DYNC1I1: variants seen among roughly 807,000 people sequenced by gnomAD.
The protein encoded by DYNC1I1 is dynein cytoplasmic 1 intermediate chain 1.
A neutral mutation model predicts 86.6 loss-of-function variants in DYNC1I1; 43 were observed. The observed-to-expected ratio is 0.50, with a 90% confidence interval of 0.39 to 0.64. DYNC1I1 has a LOEUF of 0.64. DYNC1I1 is among the 30% of genes least tolerant of loss of function. DYNC1I1 has a pLI of 0.00. For synonymous variants in DYNC1I1, 262 were observed against 283.7 expected (o/e 0.92, Z 0.77); for missense variants, 604 against 788.8 (o/e 0.77, Z 2.81).
chr7:95,838,551 A>T (rs907082927), intron 5 of DYNC1I1, among the ~76,000 whole-genome samples: 1 of 152,126 alleles, frequency 6.6e-6, no homozygotes, highest in Non-Finnish European at 1.5e-5. Context: ...GAATTTTAAG[A>T]TTTTTTTCCT....
At chr7:95,931,718 C>T (rs1791902848) in intron 6 of DYNC1I1, among the ~76,000 whole-genome samples, 1 of 152,194 alleles carries the variant, frequency 6.6e-6, no homozygotes, top group South Asian at 2.1e-4. Context: ...AACAGCTCAG[C>T]TGTGTAGCCG....
chr7:95,991,074 A>G (rs1244120817), intron 9 of DYNC1I1, among the ~76,000 whole-genome samples: 1 of 152,004 alleles, frequency 6.6e-6, no homozygotes, highest in South Asian at 2.1e-4. Flanking sequence ...ATAAAGGACT[A>G]ATAATTTTAA....
At chr7:95,806,100 G>C (rs541798130) in intron 2 of DYNC1I1, among the ~76,000 whole-genome samples, 1 of 152,200 alleles carries the variant, frequency 6.6e-6, no homozygotes, top group East Asian at 1.9e-4. Flanking sequence ...GTGAAGTAGA[G>C]GTGAGAATTG....
At position 95,840,550 on chromosome 7, in the gene DYNC1I1, T is replaced by G. The variant is rs572201443; in HGVS notation, c.374+12434T>G. On this transcript the variant is annotated intron_variant, in intron 5 of 16. Coordinates refer to ENST00000447467, the MANE Select transcript of DYNC1I1 (RefSeq NM_001135556.2). ...CTGTTGGGTAAATCACATGTCTCCA[T>G]TTCATTAAGGTAGGTTTCTGAAGAT... Among the ~76,000 whole-genome samples the G allele has an allele frequency of 5.9e-4, 90 of 152,364 alleles. 1 individual carries two copies. In the South Asian group the frequency reaches 9.7e-3, roughly 16 times the overall value.
intron 12 of DYNC1I1, among the ~76,000 whole-genome samples, chr7:96,035,239 T>C (rs1794902060): frequency 6.6e-6 from 1 of 152,222 alleles, no homozygotes; most frequent in Non-Finnish European, 1.5e-5. Flanking sequence ...TATTAATACA[T>C]GTGTATTCTC....
At chr7:96,079,011 C>T (rs1790430334) in intron 15 of DYNC1I1, among the ~76,000 whole-genome samples, 2 of 148,584 alleles carry the variant, frequency 1.3e-5, no homozygotes, top group Admixed American at 1.4e-4. Flanking sequence ...GAGCCGGGGA[C>T]TTTTGGGGTT....
At chr7:96,068,546 G>A (rs1790063691) in intron 14 of DYNC1I1, among the ~76,000 whole-genome samples, 1 of 152,158 alleles carries the variant, frequency 6.6e-6, no homozygotes. Flanking sequence ...TTTACCATTA[G>A]ATTTTATTAG....
chr7:95,913,700 T>C (rs1791397535), intron 6 of DYNC1I1, among the ~76,000 whole-genome samples: 1 of 152,232 alleles, frequency 6.6e-6, no homozygotes, highest in African/African-American at 2.4e-5. Flanking sequence ...AAAGGACTAA[T>C]ACACATGGGT....
At chr7:95,997,577 G>A (rs1039438409) in intron 10 of DYNC1I1, among the ~76,000 whole-genome samples, 1 of 128,996 alleles carries the variant, frequency 7.8e-6, no homozygotes, top group Non-Finnish European at 1.6e-5. Context: ...ATTGAAAAGG[G>A]CATTCTTGTG....
Position 96,028,167 on chromosome 7 carries a change from CCT to C in DYNC1I1, c.970-7_970-6del, listed in dbSNP as rs762235826. ...GCATCTCTCTCTCTCTCTCCTTTTCCCTGACAGTCCTCTGTGATGTCGGTCTG... is the reference window on the plus strand; with the variant it reads ...GCATCTCTCTCTCTCTCTCCTTTTCCGACAGTCCTCTGTGATGTCGGTCTG... On this transcript the variant is annotated splice_polypyrimidine_tract_variant and splice_region_variant and intron_variant, in intron 10 of 16. Coordinates refer to ENST00000447467, the MANE Select transcript of DYNC1I1 (RefSeq NM_001135556.2). 5.0e-6 allele frequency: 8 copies of C among 1,613,064 alleles called. No homozygotes were observed. Among genetic ancestry groups the C allele is most frequent in the Non-Finnish European group, 5.9e-6 (7 of 1,179,422 alleles).
rs1366273551 is a variant in DYNC1I1, at chr7:95,810,521, T to G, written c.223+15T>G. 6.2e-7 allele frequency: 1 copy of G among 1,603,394 alleles called. No individual in the cohort carries two copies. The highest frequency in any genetic ancestry group is 1.1e-5 in the South Asian group (1 of 89,734). On this transcript the variant is annotated intron_variant, in intron 3 of 16. Transcript: ENST00000447467. ...GCCGCCTCTAGGTACTTAAAAGTGC[T>G]TCCTGTTACTATTCCTCAAAATCAA...
intron 10 of DYNC1I1, among the ~76,000 whole-genome samples, chr7:96,000,570 G>A (rs1048400645): frequency 3.3e-5 from 5 of 152,184 alleles, no homozygotes; most frequent in Non-Finnish European, 5.9e-5. Flanking sequence ...ATGAAATGCA[G>A]ACATCCCAAA....
At chr7:95,950,327 G>T (rs1190692145) in intron 6 of DYNC1I1, among the ~76,000 whole-genome samples, 2 of 152,040 alleles carry the variant, frequency 1.3e-5, no homozygotes, top group Non-Finnish European at 2.9e-5. Flanking sequence ...TTTTGTTTTG[G>T]CTCAGTTTGG....
At chr7:95,906,430 C>T (rs998554750) in intron 6 of DYNC1I1, among the ~76,000 whole-genome samples, 7 of 152,048 alleles carry the variant, frequency 4.6e-5, no homozygotes, top group African/African-American at 1.7e-4. Flanking sequence ...TTATTGATGC[C>T]TTTTCCTTTT....
intron 16 of DYNC1I1, among the ~76,000 whole-genome samples, chr7:96,107,812 C>G (rs1481879852): frequency 2.0e-5 from 3 of 151,928 alleles, no homozygotes; most frequent in Non-Finnish European, 4.4e-5. Flanking sequence ...AGGCGTGAGC[C>G]ACCACGCCCG....
At chr7:96,055,759 T>C (rs565922514) in intron 14 of DYNC1I1, 7 of 152,344 alleles carry the variant, frequency 4.6e-5, no homozygotes, top group Admixed American at 4.6e-4. Context: ...CTCTTCTTTT[T>C]CTTTCCAGAG....
intron 14 of DYNC1I1, among the ~76,000 whole-genome samples, chr7:96,057,032 T>C (rs1354215289): frequency 2.0e-5 from 3 of 152,216 alleles, no homozygotes; most frequent in Non-Finnish European, 2.9e-5. Context: ...GACAGGTGTC[T>C]AACCATTAGT....
intron 10 of DYNC1I1, among the ~76,000 whole-genome samples, chr7:96,006,475 A>T (rs1182715331): frequency 2.0e-5 from 3 of 152,068 alleles, no homozygotes; most frequent in African/African-American, 7.2e-5. Flanking sequence ...TATTTAGCTA[A>T]TTTTCAGAAC....
chr7:95,802,395 C>T (rs753922383), intron 1 of DYNC1I1, among the ~76,000 whole-genome samples: 26 of 152,160 alleles, frequency 1.7e-4, no homozygotes, highest in Admixed American at 5.9e-4. Flanking sequence ...CTACCATTCC[C>T]GTACAGGTAC....
Sources: allele counts gnomAD v4.1 joint callset (sites outside exome capture counted in the v4.1 genomes callset), GRCh38; gene constraint gnomAD v4.1.1; transcripts MANE v1.5; gene names NCBI Gene and HGNC (gene_info 2026-07-23, HGNC 2026-07-21).